The following SV2C variants were observed in gnomAD, a reference collection of about 807,000 sequenced individuals.
The protein encoded by SV2C is solute carrier family 22 member B3.
Under a neutral mutation model 79.7 loss-of-function variants are expected in SV2C, and 49 were observed. That is an observed-to-expected ratio of 0.61 (90% CI 0.49 to 0.78). The LOEUF is 0.78. Among genes scored for constraint, SV2C ranks in the 30% least tolerant of loss-of-function variants. The probability of loss-of-function intolerance (pLI) is 0.00; values close to 1 mark genes in which losing one functional copy is unlikely to be tolerated. For synonymous variants in SV2C, 334 were observed against 333.2 expected, an observed-to-expected ratio of 1.00 and a Z score of -0.03; for missense variants, 833 against 912.9, an observed-to-expected ratio of 0.91 and a Z score of 1.13.
intron 4 of SV2C, among the ~76,000 whole-genome samples, chr5:76,269,436 G>C (rs1049461998): frequency 3.9e-5 from 6 of 152,140 alleles, no homozygotes; most frequent in Non-Finnish European, 5.9e-5. Flanking sequence ...TATTTTATTT[G>C]ATTGCCCTAC....
intron 9 of SV2C, 69 bp downstream of exon 9, chr5:76,296,011 G>C: frequency 7.1e-7 from 1 of 1,413,330 alleles, no homozygotes; most frequent in South Asian, 1.5e-5. Context: ...AGCTTTCCCT[G>C]CACTGAAACA....
Position 76,106,176 on chromosome 5 carries a change from C to T in SV2C, c.-102+22664C>T, listed in dbSNP as rs147830850. Among the ~76,000 whole-genome samples, 617 of 152,220 alleles carry T rather than the reference C, an allele frequency of 4.1e-3. 5 individuals carry two copies. Among genetic ancestry groups the T allele is most frequent in the Admixed American group, 0.023 (353 of 15,272 alleles). ...ACCCCATCTGAGTTGATAGAAAATACATCCTTTCCCTTCCTCTCTTCCTCT... is the reference window on the plus strand; with the variant it reads ...ACCCCATCTGAGTTGATAGAAAATATATCCTTTCCCTTCCTCTCTTCCTCT... On this transcript the variant is annotated intron_variant, in intron 1 of 12. Transcript: ENST00000502798.
At chr5:75,854,536 A>T in the SV2C span, among the ~76,000 whole-genome samples, 1 of 152,092 alleles carries the variant, frequency 6.6e-6, no homozygotes, top group African/African-American at 2.4e-5. Flanking sequence ...TGCCTCTTTA[A>T]ATGTTTTGCC....
the SV2C span, among the ~76,000 whole-genome samples, chr5:76,015,063 T>C: frequency 5.3e-5 from 8 of 152,206 alleles, no homozygotes; most frequent in African/African-American, 1.4e-4. Flanking sequence ...GTTGGGGTCA[T>C]GTGAATACTT....
Position 76,089,510 on chromosome 5 carries a change from A to G in SV2C, c.-102+5998A>G, listed in dbSNP as rs542526571. ...ACATACATGTGCATGTGTTTTTGTA[A>G]TAGAATGATTTATATTCCTTTGGTT... On this transcript the variant is annotated intron_variant, in intron 1 of 12. Transcript: ENST00000502798. Among the ~76,000 whole-genome samples, 5 of 152,286 alleles carry G rather than the reference A, an allele frequency of 3.3e-5. No homozygotes were observed. The East Asian group carries it at 7.7e-4, about 23-fold the overall frequency.
intron 2 of SV2C, among the ~76,000 whole-genome samples, chr5:76,138,334 A>G (rs1369476362): frequency 1.3e-5 from 2 of 152,098 alleles, no homozygotes; most frequent in Non-Finnish European, 2.9e-5. Flanking sequence ...AATGGGGATA[A>G]CCCTGAGAAG....
the SV2C span, among the ~76,000 whole-genome samples, chr5:75,864,310 CTCCATCCATCCA>C: frequency 1.1e-3 from 172 of 149,710 alleles, no homozygotes; most frequent in Non-Finnish European, 1.7e-3. Flanking sequence ...TCCAGTGCCA[CTCCATCCATCCA>C]TCCATCCATC....
chr5:75,937,666 G>A, the SV2C span, among the ~76,000 whole-genome samples: 2,681 of 152,110 alleles, frequency 0.018, 92 homozygotes, highest in African/African-American at 0.058. Context: ...CTGTGATAAC[G>A]TCACCACACT....
chr5:76,135,930 G>A (rs1042901528), intron 2 of SV2C, among the ~76,000 whole-genome samples: 5 of 152,186 alleles, frequency 3.3e-5, no homozygotes, highest in African/African-American at 4.8e-5. Flanking sequence ...AACAAGCAGC[G>A]TGCTGGCACC....
chr5:76,245,566 T>C (rs1210731657), intron 4 of SV2C, among the ~76,000 whole-genome samples: 1 of 152,166 alleles, frequency 6.6e-6, no homozygotes, highest in Non-Finnish European at 1.5e-5. Context: ...TTGATGTCCT[T>C]GGTTTAAGAG....
the SV2C span, among the ~76,000 whole-genome samples, chr5:75,958,838 G>A: frequency 1.3e-5 from 2 of 152,024 alleles, no homozygotes; most frequent in East Asian, 1.9e-4. Context: ...TATCTCCAAG[G>A]AAACCCTCTC....
chr5:76,012,958 G>A, the SV2C span, among the ~76,000 whole-genome samples: 226 of 152,170 alleles, frequency 1.5e-3, 1 homozygote, highest in African/African-American at 5.2e-3. Context: ...TGTTCTTTTG[G>A]TCTATATATC....
chr5:76,174,475 C>G (rs1168142184), intron 2 of SV2C, among the ~76,000 whole-genome samples: 2 of 152,208 alleles, frequency 1.3e-5, no homozygotes, highest in Non-Finnish European at 2.9e-5. Flanking sequence ...CAATGTGTGT[C>G]TCTGATGGAA....
At chr5:75,854,930 C>T in the SV2C span, among the ~76,000 whole-genome samples, 1 of 152,252 alleles carries the variant, frequency 6.6e-6, no homozygotes, top group South Asian at 2.1e-4. Context: ...CAGCCCCCAG[C>T]TGGATTGCAA....
At chr5:75,922,176 A>T in the SV2C span, among the ~76,000 whole-genome samples, 1 of 152,132 alleles carries the variant, frequency 6.6e-6, no homozygotes, top group South Asian at 2.1e-4. Flanking sequence ...TCACATTTAA[A>T]TAACTGAATT....
intron 12 of SV2C, among the ~76,000 whole-genome samples, chr5:76,339,619 C>T (rs2112584067): frequency 6.7e-6 from 1 of 150,206 alleles, no homozygotes; most frequent in Admixed American, 6.7e-5. Flanking sequence ...GAGGATGAGG[C>T]AGGAGAATGG....
intron 3 of SV2C, among the ~76,000 whole-genome samples, chr5:76,202,720 G>A (rs1049913825): frequency 2.6e-5 from 4 of 152,094 alleles, no homozygotes; most frequent in South Asian, 2.1e-4. Context: ...TTAGAGCTGC[G>A]TTGTCCAACA....
chr5:76,073,527 AT>A, the SV2C span, among the ~76,000 whole-genome samples: 32 of 127,648 alleles, frequency 2.5e-4, 4 homozygotes, highest in African/African-American at 9.5e-4. Flanking sequence ...ATATATATAT[AT>A]ATATATATAT....
At chr5:76,095,255 A>G (rs1544769) in intron 1 of SV2C, among the ~76,000 whole-genome samples, 8,543 of 152,086 alleles carry the variant, frequency 0.056, 783 homozygotes, top group African/African-American at 0.19. Flanking sequence ...TCTTGCATCC[A>G]TGTAGTAGAT....
Sources: gnomAD v4.1 joint callset for allele counts (sites outside exome capture counted in the v4.1 genomes callset) on GRCh38, gnomAD v4.1.1 for gene constraint, MANE v1.5 for transcripts, NCBI Gene and HGNC (gene_info 2026-07-23, HGNC 2026-07-21) for gene names.